GUCY1A2: variants seen among roughly 807,000 people sequenced by gnomAD.
GUCY1A2 encodes guanylate cyclase soluble subunit alpha-2.
GUCY1A2 carries 27 observed loss-of-function variants against 63.5 expected under a neutral mutation model. That is an observed-to-expected ratio of 0.43 (90% CI 0.31 to 0.59). GUCY1A2 has a LOEUF of 0.59. Ranked by LOEUF, GUCY1A2 falls within the 20% of genes least tolerant of loss-of-function variation. The probability of loss-of-function intolerance (pLI) is 0.11; values close to 1 mark genes in which losing one functional copy is unlikely to be tolerated. For synonymous variants in GUCY1A2, 364 were observed against 343.5 expected (o/e 1.06, Z -0.66); for missense variants, 768 against 913.3 (o/e 0.84, Z 2.05).
chr11:106,973,973 A>G (rs1001379100), intron 3 of GUCY1A2, among the ~76,000 whole-genome samples: 1 of 152,090 alleles, frequency 6.6e-6, no homozygotes, highest in Non-Finnish European at 1.5e-5. Flanking sequence ...CATTTTGCAA[A>G]TAAGAAATAT....
rs80313401 is a variant in GUCY1A2, at chr11:106,834,804, C to G, written c.1207-24326G>C. Reference sequence around the variant, plus strand: ...TTGAGGGTAAATGCCAGTCTCTGCACTGTGGTTTGGAGATTTAGCTTTACC... The same window carrying G: ...TTGAGGGTAAATGCCAGTCTCTGCAGTGTGGTTTGGAGATTTAGCTTTACC... On this transcript the variant is annotated intron_variant, in intron 4 of 7. Coordinates refer to ENST00000526355, the MANE Select transcript of GUCY1A2 (RefSeq NM_000855.3). Among the ~76,000 whole-genome samples the G allele has an allele frequency of 7.3e-3, 1,110 of 152,068 alleles. 71 individuals are homozygous for G. The East Asian group carries it at 0.14, about 20-fold the overall frequency.
At chr11:106,788,883 G>T (rs189129665) in intron 5 of GUCY1A2, among the ~76,000 whole-genome samples, 2 of 152,022 alleles carry the variant, frequency 1.3e-5, no homozygotes, top group African/African-American at 4.8e-5. Context: ...AGCTATTCTG[G>T]GTCTTTTGTG....
At chr11:106,936,094 G>A (rs11211983) in intron 4 of GUCY1A2, among the ~76,000 whole-genome samples, 23,187 of 152,068 alleles carry the variant, frequency 0.15, 2,131 homozygotes, top group South Asian at 0.27. Flanking sequence ...ACCTGGCAGA[G>A]AAGGAAGCTA....
chr11:106,892,723 A>G (rs1859991472), intron 4 of GUCY1A2, among the ~76,000 whole-genome samples: 1 of 152,188 alleles, frequency 6.6e-6, no homozygotes, highest in Non-Finnish European at 1.5e-5. Flanking sequence ...GTAGTAAAGA[A>G]TGCTTTAAAA....
intron 6 of GUCY1A2, among the ~76,000 whole-genome samples, chr11:106,724,408 G>A (rs572689590): frequency 1.3e-5 from 2 of 152,234 alleles, no homozygotes; most frequent in East Asian, 3.9e-4. Flanking sequence ...CACAAAAATT[G>A]GCTCCAATCC....
rs1862350897 is a variant in GUCY1A2, at chr11:106,676,605, G to A, written c.*10944C>T. ...AACTCAAAACATCATACTATGCCAA[G>A]CTGAATTACAGAAGGGTATCTAAGA... is the stretch of plus-strand genomic sequence containing the variant. On this transcript the variant is annotated 3_prime_UTR_variant, in exon 8 of 8. Transcript: ENST00000526355. 5.3e-6 allele frequency: 1 copy of A among 188,222 alleles called. No individual in the cohort carries two copies. Among genetic ancestry groups the A allele is most frequent in the Non-Finnish European group, 1.1e-5 (1 of 89,236 alleles). The allele number at this position is 188,222 out of a possible 1,614,324, so 11.7% of individuals were successfully genotyped here.
intron 1 of GUCY1A2, among the ~76,000 whole-genome samples, chr11:106,987,771 T>G (rs1861421053): frequency 6.6e-6 from 1 of 152,118 alleles, no homozygotes; most frequent in Admixed American, 6.5e-5. Context: ...CCTAACACTC[T>G]TCGAATCTTT....
chr11:106,819,022 C>A (rs902926992), intron 4 of GUCY1A2, among the ~76,000 whole-genome samples: 3 of 152,056 alleles, frequency 2.0e-5, no homozygotes, highest in Admixed American at 2.0e-4. Context: ...TATTTCAACC[C>A]TCGGTGATGA....
chr11:106,931,816 T>A (rs1042554872), intron 4 of GUCY1A2, among the ~76,000 whole-genome samples: 2 of 152,206 alleles, frequency 1.3e-5, no homozygotes, highest in Admixed American at 6.5e-5. Flanking sequence ...AGTGGTTGGC[T>A]GCAGTTGGAG....
At chr11:106,786,065 C>T (rs568288029) in intron 5 of GUCY1A2, among the ~76,000 whole-genome samples, 8 of 152,256 alleles carry the variant, frequency 5.3e-5, no homozygotes, top group African/African-American at 1.7e-4. Context: ...CATGCACACA[C>T]GTACACACCA....
At position 106,677,259 on chromosome 11, in the gene GUCY1A2, A is replaced by G. The variant is rs1862362767; in HGVS notation, c.*10290T>C. ...AAAAGAGGAGCTAAGCATGCTAACA[A>G]GTTTTAAAGCCTAATTAATTTACTG... On this transcript the variant is annotated 3_prime_UTR_variant, in exon 8 of 8. Transcript: ENST00000526355. The G allele has an allele frequency of 4.6e-6, 1 of 219,726 alleles. No individual in the cohort carries two copies. 13.6% of individuals were successfully genotyped at this position (219,726 alleles called of 1,614,324 possible). A position where few individuals can be genotyped will look rare whatever the true frequency, so the allele number is the denominator to read the frequency against.
At chr11:106,698,365 C>G (rs2135341518) in intron 7 of GUCY1A2, among the ~76,000 whole-genome samples, 1 of 151,614 alleles carries the variant, frequency 6.6e-6, no homozygotes, top group Non-Finnish European at 1.5e-5. Flanking sequence ...TCAAGTGATC[C>G]TCTCCCCCAG....
rs1862480439 is a variant in GUCY1A2, at chr11:106,684,170, A to T, written c.*3379T>A. On this transcript the variant is annotated 3_prime_UTR_variant, in exon 8 of 8. Coordinates refer to ENST00000526355, the MANE Select transcript of GUCY1A2 (RefSeq NM_000855.3). The stretch of plus-strand genomic sequence containing the variant: ...AGGAAGGAGTGCAAGACTGTAAGAA[A>T]CAACATTTGAAGTGCTGAACCTACA... 1 of 184,576 alleles carries T rather than the reference A, an allele frequency of 5.4e-6. No individual in the cohort carries two copies. The highest frequency in any genetic ancestry group is 1.1e-5 in the Non-Finnish European group (1 of 87,002). 11.4% of individuals were successfully genotyped at this position (184,576 alleles called of 1,614,324 possible). A position where few individuals can be genotyped will look rare whatever the true frequency, so the allele number is the denominator to read the frequency against.
intron 5 of GUCY1A2, among the ~76,000 whole-genome samples, chr11:106,797,498 G>C (rs544604411): frequency 6.6e-6 from 1 of 152,120 alleles, no homozygotes; most frequent in Non-Finnish European, 1.5e-5. Flanking sequence ...GCACCACATC[G>C]CAGTTATTCC....
intron 4 of GUCY1A2, chr11:106,826,782 C>T (rs1204468683): frequency 4.3e-6 from 7 of 1,610,834 alleles, no homozygotes; most frequent in Non-Finnish European, 5.9e-6. Context: ...GCCTCATCTG[C>T]TGCCAGACTG....
In GUCY1A2 at chr11:106,810,118, G is replaced by C. The variant is rs758951454; in HGVS notation, c.1567C>G (p.Leu523Val). 1 of 1,613,930 alleles carries C rather than the reference G, an allele frequency of 6.2e-7. No homozygotes were observed. Among genetic ancestry groups the C allele is most frequent in the Non-Finnish European group, 8.5e-7 (1 of 1,179,888 alleles). The stretch of plus-strand genomic sequence containing the variant: ...GTGAAGCCAACAATGTCTGAAAAGA[G>C]CATGGTGACATCATCAAACTTTCTG... The part of the protein sequence containing the change: ...QARKFDDVTM[L>V]FSDIVGFTAI... The change falls in exon 5 of 8, where the codon CTC becomes GTC. Residue 523 changes from leucine to valine, a missense_variant. Transcript: ENST00000526355.
At chr11:106,857,676 A>C (rs1421932115) in intron 4 of GUCY1A2, among the ~76,000 whole-genome samples, 1 of 152,182 alleles carries the variant, frequency 6.6e-6, no homozygotes, top group Non-Finnish European at 1.5e-5. Context: ...ACCAATTGTG[A>C]ATTTAAACCA....
intron 1 of GUCY1A2, among the ~76,000 whole-genome samples, chr11:106,987,410 G>A: frequency 6.6e-6 from 1 of 152,170 alleles, no homozygotes; most frequent in East Asian, 1.9e-4. Flanking sequence ...CAGCACTTTG[G>A]GAGGCCGAGG....
intron 4 of GUCY1A2, among the ~76,000 whole-genome samples, chr11:106,908,302 T>C (rs1860241541): frequency 6.6e-6 from 1 of 151,974 alleles, no homozygotes; most frequent in Non-Finnish European, 1.5e-5. Context: ...TATAACGTAG[T>C]CTTAATCAAA....
Sources: gnomAD v4.1 joint callset for allele counts (sites outside exome capture counted in the v4.1 genomes callset) on GRCh38, gnomAD v4.1.1 for gene constraint, MANE v1.5 for transcripts, NCBI Gene and HGNC (gene_info 2026-07-23, HGNC 2026-07-21) for gene names.